SLIT3: variants seen among roughly 807,000 people sequenced by gnomAD.
The protein encoded by SLIT3 is slit guidance ligand 3.
SLIT3 carries 68 observed loss-of-function variants against 184.0 expected under a neutral mutation model. The ratio of observed to expected loss-of-function variants is 0.37; its 90% CI spans 0.30 to 0.45. The LOEUF is 0.45. Ranked by LOEUF, SLIT3 falls within the 20% of genes least tolerant of loss-of-function variation. The pLI is 1.00. For missense variants in SLIT3, 1,707 were observed against 2,026.0 expected (o/e 0.84, Z 3.02); for synonymous variants, 831 against 828.6 (o/e 1.00, Z -0.05).
intron 4 of SLIT3, among the ~76,000 whole-genome samples, chr5:169,051,518 A>C (rs767799213): frequency 7.9e-5 from 12 of 152,202 alleles, no homozygotes; most frequent in Admixed American, 5.9e-4. Flanking sequence ...GGGGCCCAGG[A>C]TAATTAACCA....
intron 31 of SLIT3, among the ~76,000 whole-genome samples, chr5:168,684,725 C>T (rs1189128110): frequency 2.0e-5 from 3 of 152,162 alleles, no homozygotes; most frequent in Non-Finnish European, 4.4e-5. Context: ...CCACCTTGGC[C>T]TCCCAAAGCG....
chr5:169,044,385 C>G (rs759102443), intron 4 of SLIT3, among the ~76,000 whole-genome samples: 8 of 152,018 alleles, frequency 5.3e-5, no homozygotes, highest in South Asian at 4.2e-4. Context: ...GTGGAACATG[C>G]AATGGAATAT....
chr5:169,238,404 T>G (rs1765271333), intron 3 of SLIT3, among the ~76,000 whole-genome samples: 1 of 152,088 alleles, frequency 6.6e-6, no homozygotes, highest in Admixed American at 6.6e-5. Context: ...ATGTTTTCAT[T>G]GTTTCTAAGA....
chr5:168,862,836 G>A (rs765110362), intron 5 of SLIT3, among the ~76,000 whole-genome samples: 2 of 152,084 alleles, frequency 1.3e-5, no homozygotes, highest in Non-Finnish European at 2.9e-5. Context: ...CACCATGCCT[G>A]GCTAATTTTT....
intron 15 of SLIT3, among the ~76,000 whole-genome samples, chr5:168,761,921 A>ATTTTTT (rs10654069): frequency 2.7e-5 from 3 of 110,496 alleles, no homozygotes; most frequent in African/African-American, 7.2e-5. Flanking sequence ...AAAAAAAAAA[A>ATTTTTT]TTTTTTTTTT....
intron 16 of SLIT3, 77 bp downstream of exon 16, chr5:168,760,785 C>A: frequency 9.3e-7 from 1 of 1,074,794 alleles, no homozygotes; most frequent in Non-Finnish European, 1.4e-6. Context: ...GAGGCCGGTC[C>A]CCTGGTTCCT....
intron 4 of SLIT3, among the ~76,000 whole-genome samples, chr5:168,904,772 T>C (rs1760990359): frequency 6.6e-6 from 1 of 152,168 alleles, no homozygotes; most frequent in South Asian, 2.1e-4. Flanking sequence ...GGGCAGTTTG[T>C]GCCAGTTTCA....
At chr5:168,794,177 G>A (rs1396764466) in intron 10 of SLIT3, among the ~76,000 whole-genome samples, 1 of 152,182 alleles carries the variant, frequency 6.6e-6, no homozygotes, top group Non-Finnish European at 1.5e-5. Context: ...AGCCTCGTGT[G>A]GAAGGAAGAA....
chr5:168,805,390 G>C (rs1323306455), intron 9 of SLIT3, among the ~76,000 whole-genome samples: 1 of 152,116 alleles, frequency 6.6e-6, no homozygotes, highest in Non-Finnish European at 1.5e-5. Flanking sequence ...GAAAGGCAAG[G>C]GGAATATGTA....
chr5:168,877,818 C>G (rs1028996928), intron 5 of SLIT3, among the ~76,000 whole-genome samples: 1 of 152,074 alleles, frequency 6.6e-6, no homozygotes, highest in Non-Finnish European at 1.5e-5. Context: ...AACTGAAAAA[C>G]AGAGGAAAAC....
chr5:169,296,881 T>G (rs931732003), intron 1 of SLIT3, among the ~76,000 whole-genome samples: 2 of 152,208 alleles, frequency 1.3e-5, no homozygotes, highest in Admixed American at 1.3e-4. Flanking sequence ...ACTCCACCGT[T>G]CAGGCCACCC....
At chr5:168,732,113 T>C (rs1763306978) in intron 20 of SLIT3, among the ~76,000 whole-genome samples, 2 of 152,098 alleles carry the variant, frequency 1.3e-5, no homozygotes, top group South Asian at 4.1e-4. Context: ...GCTACAAAAT[T>C]AATGTTTAGA....
chr5:168,805,630 A>G (rs1183129576), intron 9 of SLIT3, among the ~76,000 whole-genome samples: 3 of 152,214 alleles, frequency 2.0e-5, no homozygotes, highest in Non-Finnish European at 4.4e-5. Context: ...AACTATGTGG[A>G]CAAACACATT....
At chr5:169,024,910 C>T (rs731717) in intron 4 of SLIT3, 45,003 of 152,104 alleles carry the variant, frequency 0.3, 7,223 homozygotes, top group East Asian at 0.51. Flanking sequence ...GAACAACTGC[C>T]GCTCCCAAAG....
At chr5:168,731,430 G>C (rs1763287228) in intron 20 of SLIT3, among the ~76,000 whole-genome samples, 1 of 151,946 alleles carries the variant, frequency 6.6e-6, no homozygotes, top group South Asian at 2.1e-4. Context: ...TGAGAAGGAA[G>C]TAATTCTCCC....
In SLIT3 at chr5:169,268,215, G is replaced by A. The variant is rs566247015; in HGVS notation, c.198-16756C>T. ...TAACGTTAAGGTCTGTTGCGAAGGA[G>A]GAGTGGCGGAGGGGGGAATGTGATG... On this transcript the variant is annotated intron_variant, in intron 1 of 35. Coordinates refer to ENST00000519560, the MANE Select transcript of SLIT3 (RefSeq NM_003062.4). 5.5e-4 allele frequency among the ~76,000 whole-genome samples: 84 copies of A among 152,324 alleles called. 1 individual carries two copies. The highest frequency in any genetic ancestry group is 1.9e-3 in the African/African-American group (79 of 41,570).
intron 20 of SLIT3, among the ~76,000 whole-genome samples, chr5:168,743,962 T>C (rs1763716977): frequency 6.6e-6 from 1 of 152,148 alleles, no homozygotes; most frequent in South Asian, 2.1e-4. Flanking sequence ...AGAAGAAAAG[T>C]TTGAAGCTAG....
chr5:169,218,593 T>C (rs969950103), intron 3 of SLIT3, among the ~76,000 whole-genome samples: 5 of 152,226 alleles, frequency 3.3e-5, no homozygotes, highest in African/African-American at 1.2e-4. Flanking sequence ...GGTTCTGCAC[T>C]CACTAGCTCT....
Position 169,092,185 on chromosome 5 carries a change from T to G in SLIT3, c.413+101294A>C, listed in dbSNP as rs933226262. Among the ~76,000 whole-genome samples the G allele has an allele frequency of 5.3e-5, 8 of 152,224 alleles. No individual in the cohort carries two copies. In the East Asian group the frequency reaches 1.5e-3, roughly 29 times the overall value. Reference sequence around the variant, plus strand: ...TTGCAGTGAGCCGAGATCGTGCCATTGCACTCCAGTCTGGGTGACAAGAGT... The same window carrying G: ...TTGCAGTGAGCCGAGATCGTGCCATGGCACTCCAGTCTGGGTGACAAGAGT... On this transcript the variant is annotated intron_variant, in intron 4 of 35. Transcript: ENST00000519560.
Sources: gnomAD v4.1 joint callset for allele counts (sites outside exome capture counted in the v4.1 genomes callset) on GRCh38, gnomAD v4.1.1 for gene constraint, MANE v1.5 for transcripts, NCBI Gene and HGNC (gene_info 2026-07-23, HGNC 2026-07-21) for gene names.